Variants in ANKRD12 observed in about 807,000 individuals in gnomAD.
The protein encoded by ANKRD12 is ankyrin repeat domain-containing protein 12.
In ANKRD12, 85 loss-of-function variants were observed where a neutral mutation model predicts 183.4. That is an observed-to-expected ratio of 0.46 (90% CI 0.39 to 0.56). The LOEUF (loss-of-function observed/expected upper bound fraction) is 0.56, where lower values mean the gene tolerates loss of function less well. ANKRD12 is among the 20% of genes least tolerant of loss of function. The probability of loss-of-function intolerance (pLI) is 0.00; values close to 1 mark genes in which losing one functional copy is unlikely to be tolerated. For synonymous variants in ANKRD12, 914 were observed against 800.2 expected (o/e 1.14, Z -2.40); for missense variants, 2,405 against 2,357.1 (o/e 1.02, Z -0.42).
At position 9,256,474 on chromosome 18, in the gene ANKRD12, G is replaced by T. The variant is rs140858823; in HGVS notation, c.3207G>T (p.Arg1069Ser). 4 of 1,613,532 alleles carry T rather than the reference G, an allele frequency of 2.5e-6. No homozygotes were observed. Among genetic ancestry groups the T allele is most frequent in the South Asian group, 1.1e-5 (1 of 90,970 alleles). ...AAGATACCCGACCTAAAGAAAAGAG[G>T]TTAGTGAATGATGATTTAATGCAGA... Reference protein sequence around the residue: ...ASKDTRPKEKRLVNDDLMQTS... With the variant: ...ASKDTRPKEKSLVNDDLMQTS... Residue 1069 changes from arginine to serine, a missense_variant, in exon 9 of 13, where the codon AGG (arginine) becomes AGT (serine). Physicochemically the swap from Arg to Ser is moderately radical, Grantham distance 110 (BLOSUM62 -1). Transcript: ENST00000262126.
At chr18:9,148,737 G>A (rs1036975030) in intron 1 of ANKRD12, among the ~76,000 whole-genome samples, 10 of 152,122 alleles carry the variant, frequency 6.6e-5, no homozygotes, top group African/African-American at 2.4e-4. Flanking sequence ...TGGTCTCCTT[G>A]TGTCTTAGGT....
intron 2 of ANKRD12, among the ~76,000 whole-genome samples, chr18:9,188,766 C>G (rs2034268326): frequency 6.6e-6 from 1 of 152,160 alleles, no homozygotes; most frequent in South Asian, 2.1e-4. Context: ...ATCTTTGTTA[C>G]TGTTGTAGTT....
intron 9 of ANKRD12, chr18:9,260,291 T>G (rs1198991862): frequency 1.3e-5 from 2 of 152,116 alleles, no homozygotes; most frequent in Non-Finnish European, 2.9e-5. Context: ...ATAACTGTAA[T>G]CCCAATACTT....
chr18:9,285,965 AC>A lies in ANKRD12; in HGVS notation c.*4841del, dbSNP rs1316812812. On this transcript the variant is annotated 3_prime_UTR_variant, in exon 13 of 13. Transcript: ENST00000262126. ...TCCAGTTTGGGACTATTGTTAATAA[AC>A]CTGTGAATCTGCAAGCCTATTTTGT... The A allele has an allele frequency of 6.6e-6, 1 of 152,110 alleles. No homozygotes were observed. The highest frequency in any genetic ancestry group is 1.5e-5 in the Non-Finnish European group (1 of 68,024). 9.4% of individuals were successfully genotyped at this position (152,110 alleles called of 1,614,324 possible).
In ANKRD12 at chr18:9,254,617, A is replaced by G. The variant is rs528558430; in HGVS notation, c.1350A>G (p.Ser450=). The G allele has an allele frequency of 1.8e-5, 28 of 1,586,418 alleles. No individual in the cohort carries two copies. The highest frequency in any genetic ancestry group is 2.1e-5 in the Non-Finnish European group (25 of 1,169,882). Residue 450 remains serine (S), a synonymous_variant, in exon 9 of 13, where the codon TCA becomes TCG. Coordinates refer to ENST00000262126, the MANE Select transcript of ANKRD12 (RefSeq NM_015208.5). ...CATGTTCCGTCATCCCTGAAACATC[A>G]AATTCTGATATGCAAACCAAAAAGG... ...STSCSVIPET[S]NSDMQTKKEY...
At chr18:9,276,065 T>C (rs2039819030) in intron 11 of ANKRD12, among the ~76,000 whole-genome samples, 3 of 152,178 alleles carry the variant, frequency 2.0e-5, no homozygotes, top group African/African-American at 7.2e-5. Context: ...GCGAGTCTTC[T>C]GGTTTGACTT....
chr18:9,192,705 C>G lies in ANKRD12; in HGVS notation c.88-2846C>G, dbSNP rs201020828. On this transcript the variant is annotated intron_variant, in intron 2 of 12. Coordinates refer to ENST00000262126, the MANE Select transcript of ANKRD12 (RefSeq NM_015208.5). Reference sequence around the variant, plus strand: ...TCACTATGGATTTATCTTTTTTTTTCCTCCTTTTTTTTTAGAGACAGGGTC... The same window carrying G: ...TCACTATGGATTTATCTTTTTTTTTGCTCCTTTTTTTTTAGAGACAGGGTC... Among the ~76,000 whole-genome samples, 811 of 108,336 alleles carry G rather than the reference C, an allele frequency of 7.5e-3. 54 individuals are homozygous for G. In the East Asian group the frequency reaches 0.18, roughly 25 times the overall value. The allele number at this position is 108,336 out of a possible 152,430, so 71.1% of individuals were successfully genotyped here.
At chr18:9,200,976 T>A (rs1316421537) in intron 3 of ANKRD12, among the ~76,000 whole-genome samples, 1 of 152,118 alleles carries the variant, frequency 6.6e-6, no homozygotes, top group African/African-American at 2.4e-5. Flanking sequence ...TCTTCCTGGG[T>A]AGAAAGTAGG....
intron 1 of ANKRD12, among the ~76,000 whole-genome samples, chr18:9,171,754 C>G (rs1446339988): frequency 3.3e-5 from 5 of 152,082 alleles, no homozygotes; most frequent in Non-Finnish European, 7.4e-5. Context: ...GGTGCGGTGG[C>G]TCACGTCTGT....
At chr18:9,152,963 C>T (rs1281024189) in intron 1 of ANKRD12, among the ~76,000 whole-genome samples, 1 of 151,838 alleles carries the variant, frequency 6.6e-6, no homozygotes, top group East Asian at 2.0e-4. Flanking sequence ...CTCACTCTTA[C>T]TCCCATATGT....
chr18:9,255,286 G>C lies in ANKRD12; in HGVS notation c.2019G>C (p.Lys673Asn). The C allele has an allele frequency of 6.4e-7, 1 of 1,574,434 alleles. No homozygotes were observed. Among genetic ancestry groups the C allele is most frequent in the Non-Finnish European group, 8.6e-7 (1 of 1,168,714 alleles). Residue 673 changes from lysine to asparagine, a missense_variant, in exon 9 of 13, where the codon AAG becomes AAC. This residue lies in a region of ANKRD12 where 1,983 missense variants were observed against 1,725.9 expected (regional missense o/e 1.15). Transcript: ENST00000262126. The part of the protein sequence containing the change: ...EKHKKEIEGE[K>N]EKYKTKDSAK... ...ATAAAAAAGAAATTGAAGGTGAAAA[G>C]GAAAAATACAAAACTAAGGATAGTG...
chr18:9,142,029 T>G (rs1383162148), intron 1 of ANKRD12, among the ~76,000 whole-genome samples: 1 of 152,204 alleles, frequency 6.6e-6, no homozygotes, highest in Admixed American at 6.5e-5. Context: ...CCCTAGTAGC[T>G]GGGATTACAG....
intron 2 of ANKRD12, among the ~76,000 whole-genome samples, chr18:9,190,297 T>A (rs1290122287): frequency 2.6e-5 from 4 of 152,150 alleles, no homozygotes; most frequent in Non-Finnish European, 5.9e-5. Flanking sequence ...AAAACAACCT[T>A]ATAAGCAAAA....
intron 2 of ANKRD12, among the ~76,000 whole-genome samples, chr18:9,187,315 G>A (rs189406581): frequency 2.0e-5 from 3 of 152,288 alleles, no homozygotes; most frequent in East Asian, 1.9e-4. Context: ...CTACTGGGGA[G>A]GCTGAAGTAG....
intron 1 of ANKRD12, among the ~76,000 whole-genome samples, chr18:9,181,646 T>C (rs2033707253): frequency 6.6e-6 from 1 of 152,190 alleles, no homozygotes; most frequent in Non-Finnish European, 1.5e-5. Context: ...CACATGTAGG[T>C]AATAGATTAT....
At chr18:9,176,885 T>C (rs1324269858) in intron 1 of ANKRD12, among the ~76,000 whole-genome samples, 1 of 152,198 alleles carries the variant, frequency 6.6e-6, no homozygotes, top group Non-Finnish European at 1.5e-5. Context: ...GAAGAAGATA[T>C]ATTTTACTGC....
chr18:9,267,861 T>A (rs955973101), intron 10 of ANKRD12, among the ~76,000 whole-genome samples: 2 of 151,668 alleles, frequency 1.3e-5, no homozygotes, highest in African/African-American at 4.8e-5. Flanking sequence ...TCAACAAAAT[T>A]GATAGACCAC....
intron 2 of ANKRD12, among the ~76,000 whole-genome samples, chr18:9,194,161 A>C (rs1438604534): frequency 1.3e-5 from 2 of 152,048 alleles, no homozygotes; most frequent in African/African-American, 4.8e-5. Context: ...ACTATGCATC[A>C]AAATTATGTG....
At chr18:9,217,281 A>G (rs2036162905) in intron 7 of ANKRD12, among the ~76,000 whole-genome samples, 1 of 152,222 alleles carries the variant, frequency 6.6e-6, no homozygotes, top group Admixed American at 6.5e-5. Context: ...TGGAGTAAAG[A>G]TAGATACAAG....
Sources: allele counts gnomAD v4.1 joint callset (sites outside exome capture counted in the v4.1 genomes callset), GRCh38; gene constraint gnomAD v4.1.1; regional missense constraint gnomAD v4.1.1; transcripts MANE v1.5; gene names NCBI Gene and HGNC (gene_info 2026-07-23, HGNC 2026-07-21).